The following COPG1 variants were observed in gnomAD, a reference collection of about 807,000 sequenced individuals.
COPG1 encodes coatomer subunit gamma-1.
In COPG1, 29 loss-of-function variants were observed where a neutral mutation model predicts 102.8. The ratio of observed to expected loss-of-function variants is 0.28; its 90% CI spans 0.21 to 0.38. The LOEUF is 0.38. COPG1 is among the 10% of genes least tolerant of loss of function. The probability of loss-of-function intolerance (pLI) is 1.00; values close to 1 mark genes in which losing one functional copy is unlikely to be tolerated. For synonymous variants in COPG1, 406 were observed against 421.6 expected (o/e 0.96, Z 0.45); for missense variants, 875 against 1,132.7 (o/e 0.77, Z 3.27).
At chr3:129,249,973 ACCCC>A (rs62819160) in intron 1 of COPG1, among the ~76,000 whole-genome samples, 1 of 125,518 alleles carries the variant, frequency 8.0e-6, no homozygotes, top group African/African-American at 2.6e-5. Flanking sequence ...CGCGACAAAC[ACCCC>A]CCCCCCCAGG....
intron 17 of COPG1, 24 bp from the exon 18 acceptor site, chr3:129,268,908 C>A (rs766837402): frequency 1.2e-6 from 2 of 1,609,750 alleles, no homozygotes; most frequent in Non-Finnish European, 1.7e-6. Flanking sequence ...TGTTGGTCAT[C>A]ACGTGTATAA....
In COPG1 at chr3:129,272,339, T is replaced by C. The variant is rs779551250; in HGVS notation, c.2082T>C (p.Pro694=). Residue 694 remains proline, a synonymous_variant, in exon 20 of 24, where the codon CCT becomes CCC. Coordinates refer to ENST00000314797, the MANE Select transcript of COPG1 (RefSeq NM_016128.4). ...CCTATGAGGTGCTCTGTTACGTGCC[T>C]GCCCGGAGCCTGCCCTACAACCAGC... ...TEAYEVLCYV[P]ARSLPYNQPG... The C allele has an allele frequency of 1.2e-6, 2 of 1,614,152 alleles. No homozygotes were observed. Among genetic ancestry groups the C allele is most frequent in the Non-Finnish European group, 1.7e-6 (2 of 1,179,998 alleles).
At chr3:129,258,202 G>A (rs1031976584) in intron 10 of COPG1, among the ~76,000 whole-genome samples, 2 of 152,194 alleles carry the variant, frequency 1.3e-5, no homozygotes, top group East Asian at 3.9e-4. Flanking sequence ...CCAGGTGAAG[G>A]AGAGAACAGT....
chr3:129,251,870 T>A (rs1271350840), intron 2 of COPG1, among the ~76,000 whole-genome samples: 1 of 151,654 alleles, frequency 6.6e-6, no homozygotes, highest in African/African-American at 2.4e-5. Flanking sequence ...GTATTTTTAG[T>A]ACAGACGGGG....
intron 21 of COPG1, 113 bp from the exon 22 acceptor site, chr3:129,274,725 G>C: frequency 2.4e-6 from 3 of 1,269,334 alleles, no homozygotes; most frequent in South Asian, 1.4e-5. Context: ...ACAGTCCTCA[G>C]TGCCGAGCAA....
rs762136146 is a variant in COPG1 at position 129,257,501 on chromosome 3, G to A, written c.611G>A (p.Arg204His). The A allele has an allele frequency of 9.3e-6, 15 of 1,614,070 alleles. No homozygotes were observed. Among genetic ancestry groups the A allele is most frequent in the African/African-American group, 2.7e-5 (2 of 74,924 alleles). ...YHALGLLYHV[R>H]KNDRLAVNKM... ...GCACTAGGGCTCCTGTACCATGTGC[G>A]TAAGAATGACCGCCTAGCCGTCAAT... Residue 204 changes from arginine (R) to histidine (H), a missense_variant, in exon 9 of 24, where the codon CGT becomes CAT. Arg to His is a conservative substitution (Grantham distance 29). Coordinates refer to ENST00000314797, the MANE Select transcript of COPG1 (RefSeq NM_016128.4).
Position 129,271,086 on chromosome 3 carries a change from G to A in COPG1, c.1844-681G>A, listed in dbSNP as rs543218881. On this transcript the variant is annotated intron_variant, in intron 18 of 23. Transcript: ENST00000314797. The surrounding 1 kb of genome is among the most constrained non-coding windows in gnomAD (Gnocchi z 4.7). ...AGAGTGGCAGCTGTAGCCATTATAG[G>A]TGGACACCATGTGCACACATCTGCC... 1.3e-5 allele frequency among the ~76,000 whole-genome samples: 2 copies of A among 152,296 alleles called. No individual in the cohort carries two copies. Among genetic ancestry groups the A allele is most frequent in the South Asian group, 4.1e-4 (2 of 4,832 alleles).
At chr3:129,276,681 C>T (rs1376453739) in intron 23 of COPG1, among the ~76,000 whole-genome samples, 3 of 152,180 alleles carry the variant, frequency 2.0e-5, no homozygotes, top group Non-Finnish European at 4.4e-5. Context: ...ATTCAGTCAA[C>T]GTGCAAGAGC....
rs944853946 is a variant in COPG1, at chr3:129,263,896, T to C, written c.1129-8T>C. ...GGCCTGCTGCTCATGCACGTCTATT[T>C]CATTTAGGTGGTGGTTGTCCAGGCC... On this transcript the variant is annotated splice_region_variant and splice_polypyrimidine_tract_variant and intron_variant, in intron 12 of 23. Transcript: ENST00000314797. The C allele has an allele frequency of 1.9e-6, 3 of 1,613,522 alleles. No homozygotes were observed. In the African/African-American group the frequency reaches 4.0e-5, roughly 22 times the overall value.
In COPG1 at chr3:129,250,952, C is replaced by A. The variant is rs181770968; in HGVS notation, c.90+218C>A. On this transcript the variant is annotated intron_variant, in intron 2 of 23. Transcript: ENST00000314797. ...TTTTTTTTTTTTTCTGAGACAGAGT[C>A]TTGCTCTGTCGCTCAGGCTGGAGTG... 3.7e-4 allele frequency: 153 copies of A among 413,076 alleles called. 1 individual carries two copies. The highest frequency in any genetic ancestry group is 2.8e-3 in the African/African-American group (102 of 36,928). The allele number at this position is 413,076 out of a possible 1,614,324, so 25.6% of individuals were successfully genotyped here.
chr3:129,271,848 C>T lies in COPG1; in HGVS notation c.1925C>T (p.Ser642Leu). The T allele has an allele frequency of 6.2e-7, 1 of 1,614,206 alleles. No homozygotes were observed. The highest frequency in any genetic ancestry group is 1.1e-5 in the South Asian group (1 of 91,080). Residue 642 changes from serine to leucine, a missense_variant, in exon 19 of 24, where the codon TCA (serine) becomes TTA (leucine). Ser to Leu is a moderately radical substitution (Grantham distance 145, BLOSUM62 -2). Coordinates refer to ENST00000314797, the MANE Select transcript of COPG1 (RefSeq NM_016128.4). This position sits in a 1 kb window ranked among gnomAD's most constrained non-coding sequence, Gnocchi z 4.7. ...SSPEPVALTE[S>L]ETEYVIRCTK... The stretch of plus-strand genomic sequence containing the variant: ...CCTGAGCCCGTGGCCCTCACCGAGT[C>T]AGAGACGGAGTATGTCATCCGCTGC...
At chr3:129,269,779 T>A (rs182200223) in intron 18 of COPG1, among the ~76,000 whole-genome samples, 5 of 152,140 alleles carry the variant, frequency 3.3e-5, no homozygotes, top group African/African-American at 1.2e-4. Flanking sequence ...TCCATTTATA[T>A]CAGTTTTCTA....
At chr3:129,274,747 A>C in intron 21 of COPG1, 91 bp from the exon 22 acceptor site, 1 of 1,433,388 alleles carries the variant, frequency 7.0e-7, no homozygotes, top group Non-Finnish European at 9.7e-7. Context: ...CACCTGTGGA[A>C]AGAGTTGCAG....
intron 12 of COPG1, among the ~76,000 whole-genome samples, chr3:129,262,834 C>G (rs539947806): frequency 2.3e-4 from 35 of 151,836 alleles, no homozygotes; most frequent in African/African-American, 8.2e-4. Flanking sequence ...GCCTGGCCAA[C>G]ATGGTGAAAC....
chr3:129,260,376 T>C lies in COPG1; in HGVS notation c.915T>C (p.Tyr305=). 6.2e-7 allele frequency: 1 copy of C among 1,614,180 alleles called. No individual in the cohort carries two copies. The highest frequency in any genetic ancestry group is 8.5e-7 in the Non-Finnish European group (1 of 1,180,016). Residue 305 remains tyrosine, a synonymous_variant, in exon 11 of 24, where the codon TAT becomes TAC. Transcript: ENST00000314797. The part of the protein sequence containing the change: ...FCSSPKAALR[Y]AAVRTLNKVA... Reference sequence around the variant, plus strand: ...GCTCACCCAAGGCTGCTCTCCGCTATGCTGCTGTTCGTACCCTCAATAAGG... The same window carrying C: ...GCTCACCCAAGGCTGCTCTCCGCTACGCTGCTGTTCGTACCCTCAATAAGG...
chr3:129,268,868 G>T (rs1940123337), intron 17 of COPG1, 64 bp from the exon 18 acceptor site: 1 of 1,458,016 alleles, frequency 6.9e-7, no homozygotes, highest in Non-Finnish European at 9.6e-7. Context: ...TAGCACTGGG[G>T]TCACCACCAC....
intron 10 of COPG1, 188 bp from the exon 11 acceptor site, chr3:129,260,145 C>G: frequency 1.6e-6 from 1 of 616,086 alleles, no homozygotes; most frequent in Non-Finnish European, 2.9e-6. Context: ...TGGGTGCTCA[C>G]AGACATTATG....
chr3:129,264,668 G>C (rs1161273724), intron 13 of COPG1, among the ~76,000 whole-genome samples: 1 of 152,080 alleles, frequency 6.6e-6, no homozygotes, highest in Non-Finnish European at 1.5e-5. Flanking sequence ...TTTTTAAGTA[G>C]AGATGGGGTC....
rs139359785 is a variant in COPG1, at chr3:129,254,865, C to G, written c.400-120C>G. ...GGTGATGTGGGGTGGAGGCAGTGTG[C>G]AGGAGCACATGAGAAACGCTTACTT... On this transcript the variant is annotated intron_variant, in intron 6 of 23. Transcript: ENST00000314797. The G allele has an allele frequency of 4.0e-4, 471 of 1,180,896 alleles. No homozygotes were observed. The African/African-American group carries it at 6.3e-3, about 16-fold the overall frequency. 73.2% of individuals were successfully genotyped at this position (1,180,896 alleles called of 1,614,324 possible).
Sources: allele counts gnomAD v4.1 joint callset (sites outside exome capture counted in the v4.1 genomes callset), GRCh38; gene constraint gnomAD v4.1.1; non-coding constraint Gnocchi (gnomAD v3.1); transcripts MANE v1.5; gene names NCBI Gene and HGNC (gene_info 2026-07-23, HGNC 2026-07-21).